Variants in EPHA5 observed in about 807,000 individuals in gnomAD.
The protein encoded by EPHA5 is EPH receptor A5, also known as ephrin type-A receptor 5.
Under a neutral mutation model 105.0 loss-of-function variants are expected in EPHA5, and 60 were observed. The observed-to-expected ratio is 0.57, with a 90% CI of 0.46 to 0.71. The LOEUF (loss-of-function observed/expected upper bound fraction) is 0.71, where lower values mean the gene tolerates loss of function less well. Among genes scored for constraint, EPHA5 ranks in the 30% least tolerant of loss-of-function variants. The pLI is 0.00. For synonymous variants in EPHA5, 513 were observed against 449.1 expected, an observed-to-expected ratio of 1.14 and a Z score of -1.80; for missense variants, 1,218 against 1,274.7, an observed-to-expected ratio of 0.96 and a Z score of 0.68.
chr4:65,610,834 G>A (rs991168708), intron 2 of EPHA5, among the ~76,000 whole-genome samples: 2 of 152,120 alleles, frequency 1.3e-5, no homozygotes, highest in Non-Finnish European at 2.9e-5. Flanking sequence ...ATAAACCACT[G>A]ATCTAGTTTA....
intron 2 of EPHA5, among the ~76,000 whole-genome samples, chr4:65,607,896 AG>A (rs1744392233): frequency 6.6e-6 from 1 of 152,216 alleles, no homozygotes; most frequent in Non-Finnish European, 1.5e-5. Context: ...TGTTTACTGC[AG>A]CACTGATCAC....
intron 1 of EPHA5, among the ~76,000 whole-genome samples, 190 bp from the exon 2 acceptor site, chr4:65,643,617 A>T (rs1416626602): frequency 6.6e-6 from 1 of 151,996 alleles, no homozygotes; most frequent in Non-Finnish European, 1.5e-5. Context: ...TTAAATAAAC[A>T]TTTGAAGAAC....
chr4:65,329,371 A>G (rs1184784213), intron 16 of EPHA5, among the ~76,000 whole-genome samples: 1 of 151,440 alleles, frequency 6.6e-6, no homozygotes, highest in Non-Finnish European at 1.5e-5. Flanking sequence ...ACATGCACGT[A>G]CTGGCAACAA....
At chr4:65,395,340 CAT>C (rs1241807298) in intron 8 of EPHA5, among the ~76,000 whole-genome samples, 2 of 152,316 alleles carry the variant, frequency 1.3e-5, no homozygotes, top group East Asian at 3.9e-4. Context: ...TTTCTTATAT[CAT>C]ATGTCCTGGA....
intron 8 of EPHA5, among the ~76,000 whole-genome samples, chr4:65,393,604 A>C (rs1398518362): frequency 2.0e-5 from 3 of 152,198 alleles, no homozygotes; most frequent in Admixed American, 2.0e-4. Flanking sequence ...ATGCCTTTAA[A>C]TACCATATTT....
chr4:65,408,132 G>A (rs1722545823), intron 7 of EPHA5, among the ~76,000 whole-genome samples: 1 of 151,964 alleles, frequency 6.6e-6, no homozygotes, highest in Non-Finnish European at 1.5e-5. Context: ...TTGGACCTGA[G>A]GGCATTAATG....
chr4:65,377,020 C>G (rs2148919912), intron 8 of EPHA5: 1 of 1,608,828 alleles, frequency 6.2e-7, no homozygotes, highest in Non-Finnish European at 8.5e-7. Flanking sequence ...GGATGGGCAA[C>G]AGCGCACAGG....
At chr4:65,631,865 T>C (rs28593447) in intron 2 of EPHA5, among the ~76,000 whole-genome samples, 5,698 of 152,138 alleles carry the variant, frequency 0.037, 351 homozygotes, top group African/African-American at 0.13. Flanking sequence ...AATATTGGCA[T>C]TAATTTATAT....
intron 3 of EPHA5, among the ~76,000 whole-genome samples, chr4:65,526,110 T>C (rs567194972): frequency 1.3e-5 from 2 of 152,010 alleles, no homozygotes; most frequent in East Asian, 1.9e-4. Flanking sequence ...ATATCAAATA[T>C]TGTTTTCAAT....
rs1029900069 is a variant in EPHA5, at chr4:65,605,123, T to A, written c.247-2819A>T. Among the ~76,000 whole-genome samples the A allele has an allele frequency of 2.0e-5, 3 of 152,188 alleles. No individual in the cohort carries two copies. In the South Asian group the frequency reaches 6.2e-4, roughly 31 times the overall value. ...TTCCCGTTAAGAATAAATAACTGGT[T>A]ACGCAGCTTGGGTTTGCTTGATTTA... On this transcript the variant is annotated intron_variant, in intron 2 of 16. Transcript: ENST00000613740.
At chr4:65,565,378 T>C (rs936555144) in intron 3 of EPHA5, among the ~76,000 whole-genome samples, 8 of 151,752 alleles carry the variant, frequency 5.3e-5, no homozygotes, top group Non-Finnish European at 1.2e-4. Context: ...AGTATTTCAT[T>C]TTGAAACTTC....
chr4:65,535,466 T>TA (rs1190443150), intron 3 of EPHA5, among the ~76,000 whole-genome samples: 2 of 152,166 alleles, frequency 1.3e-5, no homozygotes, highest in Non-Finnish European at 2.9e-5. Context: ...TGTCAAATGT[T>TA]AAAAATGCAG....
intron 5 of EPHA5, among the ~76,000 whole-genome samples, chr4:65,435,899 A>C (rs909338291): frequency 6.6e-6 from 1 of 152,100 alleles, no homozygotes; most frequent in East Asian, 1.9e-4. Context: ...AAATACCTGC[A>C]TTAATAAAAT....
At chr4:65,640,080 C>G (rs916578686) in intron 2 of EPHA5, among the ~76,000 whole-genome samples, 1 of 152,006 alleles carries the variant, frequency 6.6e-6, no homozygotes, top group Non-Finnish European at 1.5e-5. Flanking sequence ...GTTCTTTTTG[C>G]CTTTGCATTT....
intron 3 of EPHA5, among the ~76,000 whole-genome samples, chr4:65,510,159 C>G (rs142047941): frequency 6.7e-4 from 102 of 151,592 alleles, no homozygotes; most frequent in Admixed American, 1.6e-3. Flanking sequence ...CTCAGCCTCC[C>G]GAGTAGCTGG....
chr4:65,588,069 T>C (rs1373112034), intron 3 of EPHA5, among the ~76,000 whole-genome samples: 1 of 152,210 alleles, frequency 6.6e-6, no homozygotes, highest in Non-Finnish European at 1.5e-5. Context: ...TACCACTTTC[T>C]AGTTTTAGTT....
intron 14 of EPHA5, among the ~76,000 whole-genome samples, chr4:65,345,237 C>A (rs1227871948): frequency 6.6e-6 from 1 of 152,132 alleles, no homozygotes; most frequent in African/African-American, 2.4e-5. Context: ...CTCCCCAAGC[C>A]AAGTAAGCAG....
chr4:65,442,895 C>A (rs1726156036), intron 5 of EPHA5, among the ~76,000 whole-genome samples: 1 of 152,128 alleles, frequency 6.6e-6, no homozygotes, highest in South Asian at 2.1e-4. Flanking sequence ...GTCAGAGTCA[C>A]TGCCTAACAC....
intron 3 of EPHA5, among the ~76,000 whole-genome samples, chr4:65,565,179 T>G (rs2149363720): frequency 6.6e-6 from 1 of 151,800 alleles, no homozygotes; most frequent in East Asian, 1.9e-4. Context: ...CACCTTTCTA[T>G]AACCAACTTT....
Sources: gnomAD v4.1 joint callset for allele counts (sites outside exome capture counted in the v4.1 genomes callset) on GRCh38, gnomAD v4.1.1 for gene constraint, MANE v1.5 for transcripts, NCBI Gene and HGNC (gene_info 2026-07-23, HGNC 2026-07-21) for gene names.